The following TRPV5 variants were observed in gnomAD, a reference collection of about 807,000 sequenced individuals.
The protein encoded by TRPV5 is transient receptor potential cation channel subfamily V member 5.
In TRPV5, 66 loss-of-function variants were observed where a neutral mutation model predicts 74.1. The observed-to-expected ratio is 0.89, with a 90% CI of 0.73 to 1.09. TRPV5 has a LOEUF of 1.09. Among genes scored for constraint, TRPV5 ranks in the 50% least tolerant of loss-of-function variants. TRPV5 has a pLI of 0.00. For missense variants in TRPV5, 936 were observed against 930.4 expected, an observed-to-expected ratio of 1.01 and a Z score of -0.08; for synonymous variants, 399 against 360.7, an observed-to-expected ratio of 1.11 and a Z score of -1.20.
intron 8 of TRPV5, among the ~76,000 whole-genome samples, chr7:142,923,495 C>T (rs1586222647): frequency 6.6e-6 from 1 of 152,096 alleles, no homozygotes; most frequent in Non-Finnish European, 1.5e-5. Context: ...TTTTCATTAG[C>T]GTTCTTTGTT....
intron 7 of TRPV5, 93 bp downstream of exon 7, chr7:142,927,995 T>C (rs1796014723): frequency 6.7e-7 from 1 of 1,500,726 alleles, no homozygotes; most frequent in Non-Finnish European, 9.2e-7. Context: ...GGCTGGGAAG[T>C]GTCTCAGGCC....
intron 14 of TRPV5, 130 bp from the exon 15 acceptor site, chr7:142,908,938 G>A (rs1795664057): frequency 1.1e-6 from 1 of 914,900 alleles, no homozygotes; most frequent in South Asian, 1.7e-5. Context: ...GAAACAGGAA[G>A]AGTATCTGGG....
At chr7:142,916,908 T>TTTTTTTTTTA (rs1795811098) in intron 8 of TRPV5, among the ~76,000 whole-genome samples, 1 of 151,836 alleles carries the variant, frequency 6.6e-6, no homozygotes, top group Non-Finnish European at 1.5e-5. Context: ...TTTTTCTTTT[T>TTTTTTTTTTA]TGGCTTAAAA....
intron 13 of TRPV5, among the ~76,000 whole-genome samples, chr7:142,911,562 C>T (rs1024937241): frequency 6.6e-6 from 1 of 152,226 alleles, no homozygotes; most frequent in African/African-American, 2.4e-5. Flanking sequence ...CCTCTTAGCA[C>T]CTTACATTCT....
chr7:142,914,091 T>C (rs1795750701), intron 12 of TRPV5, among the ~76,000 whole-genome samples: 1 of 152,198 alleles, frequency 6.6e-6, no homozygotes, highest in Non-Finnish European at 1.5e-5. Context: ...CAACTCTTCT[T>C]TTTTGTTTTC....
In TRPV5 at chr7:142,914,653, C is replaced by T. The variant is rs757986186; in HGVS notation, c.1506G>A (p.Leu502=). 5.0e-6 allele frequency: 8 copies of T among 1,613,314 alleles called. 1 individual carries two copies. The Admixed American group carries it at 1.3e-4, about 27-fold the overall frequency. The stretch of plus-strand genomic sequence containing the variant: ...ATGGTGCCTTACCGGAGGCAAATCC[C>T]AAGATGACCACAGCCATCAGCCAGC... ...RFCWLMAVVI[L]GFASAFYIIF... The change falls in exon 12 of 15, where the codon TTG becomes TTA. Residue 502 remains leucine (L), a synonymous_variant. Coordinates refer to ENST00000265310, the MANE Select transcript of TRPV5 (RefSeq NM_019841.7).
intron 12 of TRPV5, among the ~76,000 whole-genome samples, chr7:142,913,472 A>C (rs1055429390): frequency 6.6e-6 from 1 of 152,226 alleles, no homozygotes; most frequent in African/African-American, 2.4e-5. Context: ...GTGAACATTT[A>C]GAGAGTTCTG....
At position 142,925,609 on chromosome 7, in the gene TRPV5, C is replaced by A. The variant is rs779621537; in HGVS notation, c.1042G>T (p.Val348Phe). ...LYMICFTTCC[V>F]YRPLKFRGGN... ...CCACGAAACTTAAGGGGGCGGTAGA[C>A]GCAGCACGTAGTAAAGCAGATCATG... is the stretch of plus-strand genomic sequence containing the variant. Residue 348 changes from valine to phenylalanine, a missense_variant, in exon 8 of 15, where the codon GTC becomes TTC. Coordinates refer to ENST00000265310, the MANE Select transcript of TRPV5 (RefSeq NM_019841.7). 3.1e-6 allele frequency: 5 copies of A among 1,614,008 alleles called. No individual in the cohort carries two copies. Among genetic ancestry groups the A allele is most frequent in the Non-Finnish European group, 4.2e-6 (5 of 1,180,038 alleles).
intron 8 of TRPV5, among the ~76,000 whole-genome samples, chr7:142,923,371 T>C (rs1161348501): frequency 1.3e-5 from 2 of 152,200 alleles, no homozygotes; most frequent in African/African-American, 4.8e-5. Context: ...ACAGAATCTT[T>C]CAAATCATGA....
At position 142,933,207 on chromosome 7, in the gene TRPV5, G is replaced by A. The variant is rs4252376; in HGVS notation, c.128+125C>T. On this transcript the variant is annotated intron_variant, in intron 1 of 14. Coordinates refer to ENST00000265310, the MANE Select transcript of TRPV5 (RefSeq NM_019841.7). ...TAATTAGGTGGGCTGGAAGGAAAGG[G>A]TATGTCTGAGTGACTGGCACTGACA... is the stretch of plus-strand genomic sequence containing the variant. 6.6e-4 allele frequency: 852 copies of A among 1,293,000 alleles called. 6 individuals are homozygous for A. The African/African-American group carries it at 0.011, about 17-fold the overall frequency. 80.1% of individuals were successfully genotyped at this position (1,293,000 alleles called of 1,614,324 possible). A position where few individuals can be genotyped will look rare whatever the true frequency, so the allele number is the denominator to read the frequency against.
intron 13 of TRPV5, 141 bp downstream of exon 13, chr7:142,912,341 G>T: frequency 1.8e-6 from 2 of 1,116,192 alleles, no homozygotes; most frequent in Admixed American, 2.6e-5. Context: ...TGTACCTCAG[G>T]TTTACACAAA....
At position 142,930,114 on chromosome 7, in the gene TRPV5, AGCACCAAG is replaced by A. The variant is rs747547158; in HGVS notation, c.285_292del (p.Leu96AspfsTer10). 1 of 1,614,214 alleles carries A rather than the reference AGCACCAAG, an allele frequency of 6.2e-7. No individual in the cohort carries two copies. Among genetic ancestry groups the A allele is most frequent in the Non-Finnish European group, 8.5e-7 (1 of 1,180,032 alleles). On this transcript the variant is annotated frameshift_variant, in exon 3 of 15. Transcript: ENST00000265310. LOFTEE classifies it high-confidence loss of function. ...GACCAGCTCTGGGGCAGCCTCCATC[AGCACCAAG>A]GCCGCCTCCAAGTTGTCATAGAGGG...
chr7:142,910,049 A>C (rs1563368674), intron 13 of TRPV5, among the ~76,000 whole-genome samples: 2 of 152,224 alleles, frequency 1.3e-5, no homozygotes, highest in Non-Finnish European at 2.9e-5. Flanking sequence ...TAATGACTGC[A>C]AGTTGGCAGG....
Position 142,933,515 on chromosome 7 carries a change from T to G in TRPV5, c.-56A>C. 3 of 1,580,130 alleles carry G rather than the reference T, an allele frequency of 1.9e-6. No individual in the cohort carries two copies. Among genetic ancestry groups the G allele is most frequent in the Non-Finnish European group, 2.6e-6 (3 of 1,164,610 alleles). On this transcript the variant is annotated 5_prime_UTR_variant, in exon 1 of 15. Coordinates refer to ENST00000265310, the MANE Select transcript of TRPV5 (RefSeq NM_019841.7). ...AGAAATGTGGCGAAAGAAACAGGTC[T>G]AGGATGACAGCAACTGAGCAAGAGA...
Position 142,930,428 on chromosome 7 carries a change from C to A in TRPV5, c.147G>T (p.Leu49=). 6.2e-7 allele frequency: 1 copy of A among 1,614,056 alleles called. No individual in the cohort carries two copies. Among genetic ancestry groups the A allele is most frequent in the Non-Finnish European group, 8.5e-7 (1 of 1,179,908 alleles). Residue 49 remains leucine (L), a synonymous_variant, in exon 2 of 15, where the codon CTG becomes CTT. Coordinates refer to ENST00000265310, the MANE Select transcript of TRPV5 (RefSeq NM_019841.7). ...GGTCATTTTCCTTGGATGCTCGAAG[C>A]AGTGGAGACTCTAGAATCCTGGGGA... is the stretch of plus-strand genomic sequence containing the variant. ...LQQKRILESP[L]LRASKENDLS...
chr7:142,930,918 CAGAG>C (rs1444891403), intron 1 of TRPV5, among the ~76,000 whole-genome samples: 1 of 151,598 alleles, frequency 6.6e-6, no homozygotes, highest in African/African-American at 2.4e-5. Context: ...GACCAAAACA[CAGAG>C]GGAGGAGGAA....
At chr7:142,909,381 G>T in intron 14 of TRPV5, 109 bp downstream of exon 14, 2 of 1,166,968 alleles carry the variant, frequency 1.7e-6, no homozygotes, top group Non-Finnish European at 1.2e-6. Flanking sequence ...TTCAGCTCCA[G>T]CCCCCTCCCC....
intron 8 of TRPV5, among the ~76,000 whole-genome samples, chr7:142,924,369 TATATACATATATATATATATATAC>T (rs1795945738): frequency 8.3e-4 from 9 of 10,868 alleles, no homozygotes; most frequent in South Asian, 1.6e-3. Context: ...TACATGTATA[TATATACATATATATATATATATAC>T]ATATACATGT....
In TRPV5 at chr7:142,925,478, A is replaced by C. The variant is rs760870066; in HGVS notation, c.1122+51T>G. The C allele has an allele frequency of 1.2e-5, 19 of 1,598,312 alleles. No individual in the cohort carries two copies. In the South Asian group the frequency reaches 2.1e-4, roughly 18 times the overall value. On this transcript the variant is annotated intron_variant, in intron 8 of 14. Coordinates refer to ENST00000265310, the MANE Select transcript of TRPV5 (RefSeq NM_019841.7). ...TGAGTAGCATGGCTTCGTTTCCAGC[A>C]CCATCACCCCTTGATGCAATTCTCT... is the stretch of plus-strand genomic sequence containing the variant.
Sources: gnomAD v4.1 joint callset for allele counts (sites outside exome capture counted in the v4.1 genomes callset) on GRCh38, gnomAD v4.1.1 for gene constraint, MANE v1.5 for transcripts, NCBI Gene and HGNC (gene_info 2026-07-23, HGNC 2026-07-21) for gene names.